Variants in CACNA2D3 observed in about 807,000 individuals in gnomAD.
The protein encoded by CACNA2D3 is calcium voltage-gated channel auxiliary subunit alpha2delta 3, also known as voltage-dependent calcium channel subunit alpha-2/delta-3.
In CACNA2D3, 60 loss-of-function variants were observed where a neutral mutation model predicts 160.6. The observed-to-expected ratio is 0.37, with a 90% CI of 0.30 to 0.46. The LOEUF (loss-of-function observed/expected upper bound fraction) is 0.46, where lower values mean the gene tolerates loss of function less well. Ranked by LOEUF, CACNA2D3 falls within the 20% of genes least tolerant of loss-of-function variation. The pLI is 1.00. For synonymous variants in CACNA2D3, 558 were observed against 492.9 expected (o/e 1.13, Z -1.75); for missense variants, 1,205 against 1,365.0 (o/e 0.88, Z 1.85).
rs113077611 is a variant in CACNA2D3, at chr3:54,411,720, A to G, written c.381+24946A>G. On this transcript the variant is annotated intron_variant, in intron 4 of 37. Coordinates refer to ENST00000474759, the MANE Select transcript of CACNA2D3 (RefSeq NM_018398.3). The stretch of plus-strand genomic sequence containing the variant: ...CATGGTGTTATGGAACTAAACCTAC[A>G]GTATCTCTGAGGTATGCCCATATTC... Among the ~76,000 whole-genome samples, 184 of 152,310 alleles carry G rather than the reference A, an allele frequency of 1.2e-3. 1 individual carries two copies. Among genetic ancestry groups the G allele is most frequent in the African/African-American group, 4.1e-3 (169 of 41,570 alleles).
At chr3:54,922,731 G>A (rs1422482492) in intron 27 of CACNA2D3, among the ~76,000 whole-genome samples, 2 of 151,896 alleles carry the variant, frequency 1.3e-5, no homozygotes, top group African/African-American at 2.4e-5. Flanking sequence ...CCAACTCAAC[G>A]ACTCCCCATG....
chr3:54,797,114 A>G (rs1290610360), intron 13 of CACNA2D3, among the ~76,000 whole-genome samples: 1 of 152,196 alleles, frequency 6.6e-6, no homozygotes, highest in Non-Finnish European at 1.5e-5. Context: ...TTGCTAAATG[A>G]TGCTCTCTGT....
At chr3:54,232,626 T>C (rs1350096376) in intron 2 of CACNA2D3, among the ~76,000 whole-genome samples, 2 of 152,198 alleles carry the variant, frequency 1.3e-5, no homozygotes, top group African/African-American at 4.8e-5. Context: ...CCACCATGCT[T>C]CCAGGGTCTG....
intron 3 of CACNA2D3, among the ~76,000 whole-genome samples, chr3:54,382,611 C>T (rs1699121438): frequency 1.3e-5 from 2 of 152,196 alleles, no homozygotes; most frequent in South Asian, 2.1e-4. Context: ...GGTGAAACCC[C>T]ATCTCTGCTA....
Position 54,472,701 on chromosome 3 carries a change from A to T in CACNA2D3, c.382-30791A>T, listed in dbSNP as rs1700755262. ...ACTTCAGCAAAGTCTCAGGATACAA[A>T]ATCAATGTGCAAAAATCATAAACAT... On this transcript the variant is annotated intron_variant, in intron 4 of 37. Coordinates refer to ENST00000474759, the MANE Select transcript of CACNA2D3 (RefSeq NM_018398.3). Among the ~76,000 whole-genome samples the T allele has an allele frequency of 3.3e-5, 5 of 152,338 alleles. No homozygotes were observed. The South Asian group carries it at 1.0e-3, about 32-fold the overall frequency.
intron 12 of CACNA2D3, among the ~76,000 whole-genome samples, chr3:54,762,932 A>T (rs975323089): frequency 6.6e-6 from 1 of 152,016 alleles, no homozygotes; most frequent in Non-Finnish European, 1.5e-5. Context: ...TCTACTAAAA[A>T]TACAAAACAG....
At chr3:54,926,207 A>G (rs1434214080) in intron 27 of CACNA2D3, among the ~76,000 whole-genome samples, 2 of 152,208 alleles carry the variant, frequency 1.3e-5, no homozygotes, top group African/African-American at 4.8e-5. Context: ...AACATATAGC[A>G]TGCATTTTGA....
chr3:54,610,934 A>T (rs542633272), intron 9 of CACNA2D3, among the ~76,000 whole-genome samples: 19 of 151,682 alleles, frequency 1.3e-4, no homozygotes, highest in African/African-American at 4.6e-4. Flanking sequence ...CTGCCTGGAC[A>T]TTTTTTTTCA....
chr3:54,871,224 C>CACACACACACACA (rs1491220764), intron 17 of CACNA2D3, among the ~76,000 whole-genome samples: 1 of 109,170 alleles, frequency 9.2e-6, no homozygotes, highest in African/African-American at 3.9e-5. Flanking sequence ...CACACACACA[C>CACACACACACACA]CCCCCATTCA....
intron 5 of CACNA2D3, among the ~76,000 whole-genome samples, chr3:54,518,599 C>G (rs779471358): frequency 1.8e-4 from 28 of 152,360 alleles, no homozygotes; most frequent in Non-Finnish European, 3.2e-4. Context: ...TCTTGATAAC[C>G]TGATTCCAGA....
intron 4 of CACNA2D3, among the ~76,000 whole-genome samples, 158 bp downstream of exon 4, chr3:54,386,932 C>A (rs1699197252): frequency 6.6e-6 from 1 of 152,134 alleles, no homozygotes; most frequent in Non-Finnish European, 1.5e-5. Context: ...CTTAAGCAAT[C>A]CGCAACCACC....
chr3:54,281,251 C>A (rs541683259), intron 2 of CACNA2D3, among the ~76,000 whole-genome samples: 10 of 152,348 alleles, frequency 6.6e-5, no homozygotes, highest in African/African-American at 2.4e-4. Flanking sequence ...CCTGCCCTCC[C>A]TTGCCACTTG....
At chr3:54,594,887 G>A (rs547695481) in intron 9 of CACNA2D3, among the ~76,000 whole-genome samples, 2 of 152,286 alleles carry the variant, frequency 1.3e-5, no homozygotes, top group South Asian at 2.1e-4. Flanking sequence ...AGAGACACAT[G>A]CGGGTATACA....
At chr3:54,550,426 C>T (rs538602046) in intron 5 of CACNA2D3, among the ~76,000 whole-genome samples, 8 of 152,300 alleles carry the variant, frequency 5.3e-5, no homozygotes, top group South Asian at 4.1e-4. Flanking sequence ...CACCGCGTGG[C>T]GCAGTGGCTC....
At chr3:54,141,097 G>GCGCGCGCGCGCA (rs1559860132) in intron 2 of CACNA2D3, among the ~76,000 whole-genome samples, 1 of 133,666 alleles carries the variant, frequency 7.5e-6, no homozygotes, top group Non-Finnish European at 1.7e-5. Context: ...GCGCGCGCGC[G>GCGCGCGCGCGCA]CGTGTGTGCA....
intron 3 of CACNA2D3, among the ~76,000 whole-genome samples, chr3:54,368,527 T>G (rs1295499058): frequency 6.6e-6 from 1 of 151,252 alleles, no homozygotes; most frequent in East Asian, 2.0e-4. Context: ...AGAGAGTGAG[T>G]GAGCACAGAA....
At chr3:54,404,236 A>G (rs137972964) in intron 4 of CACNA2D3, among the ~76,000 whole-genome samples, 1 of 152,332 alleles carries the variant, frequency 6.6e-6, no homozygotes, top group East Asian at 1.9e-4. Context: ...ATTGATGTAA[A>G]AAATCATCAA....
intron 11 of CACNA2D3, among the ~76,000 whole-genome samples, chr3:54,712,078 A>G (rs1026807767): frequency 6.6e-6 from 1 of 152,176 alleles, no homozygotes; most frequent in African/African-American, 2.4e-5. Flanking sequence ...CTAACTCTAC[A>G]ACTTACTTGT....
At chr3:54,311,596 C>T (rs758358927) in intron 2 of CACNA2D3, among the ~76,000 whole-genome samples, 1 of 152,190 alleles carries the variant, frequency 6.6e-6, no homozygotes, top group Non-Finnish European at 1.5e-5. Flanking sequence ...TACTGCAGAC[C>T]AGTGTGCCCT....
Sources: allele counts gnomAD v4.1 joint callset (sites outside exome capture counted in the v4.1 genomes callset), GRCh38; gene constraint gnomAD v4.1.1; transcripts MANE v1.5; gene names NCBI Gene and HGNC (gene_info 2026-07-23, HGNC 2026-07-21).